The following TBC1D14 variants were observed in gnomAD, a reference collection of about 807,000 sequenced individuals.
TBC1D14 encodes TBC1 domain family, member 14.
Under a neutral mutation model 79.0 loss-of-function variants are expected in TBC1D14, and 26 were observed. The observed-to-expected ratio is 0.33, with a 90% CI of 0.24 to 0.46. The LOEUF is 0.46. Among genes scored for constraint, TBC1D14 ranks in the 20% least tolerant of loss-of-function variants. The pLI is 1.00. For synonymous variants in TBC1D14, 394 were observed against 349.9 expected, an observed-to-expected ratio of 1.13 and a Z score of -1.40; for missense variants, 769 against 887.6, an observed-to-expected ratio of 0.87 and a Z score of 1.70.
In TBC1D14 at chr4:7,025,056, T is replaced by C; in HGVS notation, c.1810T>C (p.Trp604Arg). 6.2e-7 allele frequency: 1 copy of C among 1,614,234 alleles called. No individual in the cohort carries two copies. Among genetic ancestry groups the C allele is most frequent in the Non-Finnish European group, 8.5e-7 (1 of 1,180,046 alleles). Residue 604 changes from tryptophan (W) to arginine (R), a missense_variant, in exon 13 of 14, where the codon TGG (tryptophan) becomes CGG (arginine). Physicochemically the swap from Trp to Arg is moderately radical, Grantham distance 101. Coordinates refer to ENST00000409757, the MANE Select transcript of TBC1D14 (RefSeq NM_020773.3). ...GCCCCTCGACCTGGCCTGTCGTATC[T>C]GGGACGTGTTCTGTCGCGATGGGGA... ...SLPLDLACRI[W>R]DVFCRDGEEF...
chr4:6,935,918 A>G (rs1269287064), intron 2 of TBC1D14, among the ~76,000 whole-genome samples: 5 of 152,356 alleles, frequency 3.3e-5, no homozygotes, highest in Admixed American at 6.5e-5. Flanking sequence ...TGCTGGGATT[A>G]CAGGCATGAG....
rs1361152471 is a variant in TBC1D14, at chr4:6,912,984, G to C, written c.-18+3033G>C. On this transcript the variant is annotated intron_variant, in intron 1 of 13. Transcript: ENST00000409757. ...TTGATTTTGTTTTGTTTTTTGTTTT[G>C]TTCTGTTCTATTCTATTCTATTTTT... Among the ~76,000 whole-genome samples, 2 of 152,008 alleles carry C rather than the reference G, an allele frequency of 1.3e-5. 1 individual carries two copies. Among genetic ancestry groups the C allele is most frequent in the Non-Finnish European group, 2.9e-5 (2 of 67,988 alleles).
At chr4:6,942,721 C>T (rs1396039245) in intron 2 of TBC1D14, among the ~76,000 whole-genome samples, 2 of 152,052 alleles carry the variant, frequency 1.3e-5, no homozygotes, top group Admixed American at 6.6e-5. Context: ...CTGCCTTCCC[C>T]GCCCCCACAT....
intron 12 of TBC1D14, among the ~76,000 whole-genome samples, chr4:7,018,025 T>G (rs1367346885): frequency 3.9e-5 from 6 of 152,134 alleles, no homozygotes; most frequent in Non-Finnish European, 5.9e-5. Context: ...CACTGTGGTC[T>G]TCAGTGTTCA....
At chr4:7,021,763 G>A (rs1285926476) in intron 12 of TBC1D14, among the ~76,000 whole-genome samples, 3 of 151,820 alleles carry the variant, frequency 2.0e-5, no homozygotes, top group Non-Finnish European at 4.4e-5. Context: ...GAGGCAAAAC[G>A]TAAACATCTT....
chr4:6,967,190 A>C (rs1715775691), intron 2 of TBC1D14, 114 bp from the exon 3 acceptor site: 1 of 1,325,092 alleles, frequency 7.5e-7, no homozygotes, highest in Non-Finnish European at 1.0e-6. Context: ...CTGAAGAATT[A>C]AAGTACGTGG....
intron 7 of TBC1D14, among the ~76,000 whole-genome samples, chr4:7,004,354 C>T (rs985342243): frequency 4.6e-5 from 7 of 152,232 alleles, no homozygotes; most frequent in Admixed American, 4.6e-4. Context: ...CAAGACGAGG[C>T]CTGTGCCAGG....
chr4:6,944,606 T>G (rs994857152), intron 2 of TBC1D14, among the ~76,000 whole-genome samples: 1 of 152,244 alleles, frequency 6.6e-6, no homozygotes, highest in Non-Finnish European at 1.5e-5. Flanking sequence ...CAAACGAGCA[T>G]GCTCCAAGCA....
At chr4:6,991,038 G>C (rs1267808940) in intron 3 of TBC1D14, among the ~76,000 whole-genome samples, 1 of 152,212 alleles carries the variant, frequency 6.6e-6, no homozygotes, top group African/African-American at 2.4e-5. Flanking sequence ...GTCTAGAGCA[G>C]GACCTGTCAC....
At chr4:6,987,190 C>A (rs1229924705) in intron 3 of TBC1D14, 1 of 1,224,164 alleles carries the variant, frequency 8.2e-7, no homozygotes, top group Non-Finnish European at 1.0e-6. Context: ...TGTGTCTGCG[C>A]GCGATTGAGC....
At chr4:7,025,430 C>G (rs948000025) in intron 13 of TBC1D14, among the ~76,000 whole-genome samples, 168 bp downstream of exon 13, 1 of 152,164 alleles carries the variant, frequency 6.6e-6, no homozygotes, top group Non-Finnish European at 1.5e-5. Flanking sequence ...CAGGGCGTCT[C>G]GGCGGGTCGC....
intron 2 of TBC1D14, 143 bp from the exon 3 acceptor site, chr4:6,967,161 G>A (rs1472043120): frequency 8.8e-7 from 1 of 1,137,186 alleles, no homozygotes; most frequent in Non-Finnish European, 1.2e-6. Context: ...GTAATTCTGT[G>A]TCTGTATGAA....
At chr4:7,029,220 C>T (rs990524866) in intron 13 of TBC1D14, among the ~76,000 whole-genome samples, 3 of 152,226 alleles carry the variant, frequency 2.0e-5, no homozygotes, top group African/African-American at 4.8e-5. Context: ...ACTTTATCTG[C>T]CATTATTCCT....
Position 7,006,647 on chromosome 4 carries a change from C to T in TBC1D14, c.1367C>T (p.Ala456Val), listed in dbSNP as rs750414749. The T allele has an allele frequency of 2.5e-6, 4 of 1,613,878 alleles. No homozygotes were observed. The highest frequency in any genetic ancestry group is 1.7e-6 in the Non-Finnish European group (2 of 1,179,926). ...CTTTTGACAGATGCTGGTTTTTCAG[C>T]AGCAGACAGAGAAGCCAGTCTGGAG... ...EVENEDAGFSAADREASLELI... is the reference protein window; with the variant it reads ...EVENEDAGFSVADREASLELI... Residue 456 changes from alanine (A) to valine (V), a missense_variant, in exon 9 of 14, where the codon GCA (alanine) becomes GTA (valine). Transcript: ENST00000409757.
At chr4:7,014,601 C>G (rs1221228680) in intron 12 of TBC1D14, 44 bp downstream of exon 12, 1 of 1,343,296 alleles carries the variant, frequency 7.4e-7, no homozygotes, top group South Asian at 1.2e-5. Context: ...TTTCTCAGCC[C>G]TTGTCTGTTC....
At chr4:7,027,688 A>G (rs1421705613) in intron 13 of TBC1D14, among the ~76,000 whole-genome samples, 3 of 86,864 alleles carry the variant, frequency 3.5e-5, no homozygotes, top group Non-Finnish European at 6.6e-5. Context: ...CACCCACACA[A>G]AATCACCCCC....
intron 2 of TBC1D14, among the ~76,000 whole-genome samples, chr4:6,944,478 C>T (rs1314957755): frequency 3.3e-5 from 5 of 152,182 alleles, no homozygotes; most frequent in Non-Finnish European, 7.3e-5. Context: ...GCTTCATGAC[C>T]AGCGTCTCGG....
Position 7,020,873 on chromosome 4 carries a change from C to T in TBC1D14, c.1758-4131C>T, listed in dbSNP as rs186636427. Among the ~76,000 whole-genome samples the T allele has an allele frequency of 4.3e-4, 65 of 152,290 alleles. No homozygotes were observed. The East Asian group carries it at 8.9e-3, about 21-fold the overall frequency. ...ATGCCACCATGCCCAGCTAATCTCC[C>T]TTTATTTGTACTGTCCTCCTCTGTA... On this transcript the variant is annotated intron_variant, in intron 12 of 13. Transcript: ENST00000409757.
At position 7,030,713 on chromosome 4, in the gene TBC1D14, A is replaced by T. The variant is rs902971347; in HGVS notation, c.*321A>T. ...AAGCTAATTAAATTGTAATGTTTCT[A>T]TGTCAACTACTGGGAAGTATGTTAC... On this transcript the variant is annotated 3_prime_UTR_variant, in exon 14 of 14. Transcript: ENST00000409757. 3 of 247,866 alleles carry T rather than the reference A, an allele frequency of 1.2e-5. No homozygotes were observed. Among genetic ancestry groups the T allele is most frequent in the African/African-American group, 6.6e-5 (3 of 45,708 alleles). The allele number at this position is 247,866 out of a possible 1,614,324, so 15.4% of individuals were successfully genotyped here.
Sources: allele counts gnomAD v4.1 joint callset (sites outside exome capture counted in the v4.1 genomes callset), GRCh38; gene constraint gnomAD v4.1.1; transcripts MANE v1.5; gene names NCBI Gene and HGNC (gene_info 2026-07-23, HGNC 2026-07-21).